Variants in SEMA3D observed in about 807,000 individuals in gnomAD.
SEMA3D encodes the protein semaphorin 3D.
SEMA3D carries 84 observed loss-of-function variants against 100.1 expected under a neutral mutation model. The observed-to-expected ratio is 0.84, with a 90% CI of 0.70 to 1.01. The LOEUF is 1.01. Among genes scored for constraint, SEMA3D ranks in the 50% least tolerant of loss-of-function variants. SEMA3D has a pLI of 0.00. For synonymous variants in SEMA3D, 312 were observed against 320.7 expected, an observed-to-expected ratio of 0.97 and a Z score of 0.29; for missense variants, 875 against 934.1, an observed-to-expected ratio of 0.94 and a Z score of 0.82.
At chr7:85,128,149 T>G (rs1017856313) in intron 2 of SEMA3D, among the ~76,000 whole-genome samples, 3 of 151,488 alleles carry the variant, frequency 2.0e-5, no homozygotes, top group African/African-American at 7.2e-5. Flanking sequence ...TTTTATTTAT[T>G]TTATTTTATT....
the SEMA3D span, among the ~76,000 whole-genome samples, chr7:85,236,481 T>C: frequency 6.6e-6 from 1 of 151,700 alleles, no homozygotes; most frequent in Non-Finnish European, 1.5e-5. Context: ...CTAATTTTTG[T>C]ATTTTTAGTA....
intron 1 of SEMA3D, among the ~76,000 whole-genome samples, chr7:85,157,088 C>T (rs1318678311): frequency 8.8e-6 from 1 of 113,736 alleles, no homozygotes. Context: ...TACAGAATGT[C>T]TCACTGTTTC....
intron 1 of SEMA3D, among the ~76,000 whole-genome samples, chr7:85,175,474 A>T (rs1791199559): frequency 6.6e-6 from 1 of 152,118 alleles, no homozygotes; most frequent in Non-Finnish European, 1.5e-5. Context: ...TCTCTGCCAA[A>T]CCTCATCATA....
rs3076567 is a variant in SEMA3D at position 85,181,319 on chromosome 7, AACAC to A, written c.-173+5355_-173+5358del. Among the ~76,000 whole-genome samples the A allele has an allele frequency of 9.3e-3, 875 of 93,620 alleles. 6 individuals are homozygous for A. Among genetic ancestry groups the A allele is most frequent in the African/African-American group, 0.03 (634 of 21,238 alleles). 61.4% of individuals were successfully genotyped at this position (93,620 alleles called of 152,430 possible). A position where few individuals can be genotyped will look rare whatever the true frequency, so the allele number is the denominator to read the frequency against. On this transcript the variant is annotated intron_variant, in intron 1 of 18. Transcript: ENST00000284136. Reference sequence around the variant, plus strand: ...TGACAAAGAATAAAGACATGCTCACAACACACACACACACACACACACACACACA... The same window carrying A: ...TGACAAAGAATAAAGACATGCTCACAACACACACACACACACACACACACA...
intron 4 of SEMA3D, among the ~76,000 whole-genome samples, chr7:85,086,764 G>C (rs919421077): frequency 2.0e-5 from 3 of 151,692 alleles, no homozygotes; most frequent in Non-Finnish European, 4.4e-5. Context: ...AGGGTCATTG[G>C]GTATAGAATA....
At chr7:85,046,222 T>C (rs1791005151) in intron 9 of SEMA3D, among the ~76,000 whole-genome samples, 1 of 151,992 alleles carries the variant, frequency 6.6e-6, no homozygotes, top group South Asian at 2.1e-4. Context: ...CTTTTAAACA[T>C]TTTACTATGT....
intron 9 of SEMA3D, among the ~76,000 whole-genome samples, chr7:85,046,626 G>A (rs957939078): frequency 1.3e-5 from 2 of 151,944 alleles, no homozygotes; most frequent in South Asian, 2.1e-4. Flanking sequence ...AACTCTTACA[G>A]ACATCCAGAA....
chr7:85,109,943 A>G (rs1789046389), intron 3 of SEMA3D, among the ~76,000 whole-genome samples: 1 of 151,970 alleles, frequency 6.6e-6, no homozygotes, highest in Non-Finnish European at 1.5e-5. Context: ...CCAAAACATA[A>G]TTGACTGGAT....
At chr7:85,174,626 G>T (rs1436019921) in intron 1 of SEMA3D, among the ~76,000 whole-genome samples, 4 of 152,110 alleles carry the variant, frequency 2.6e-5, no homozygotes, top group Non-Finnish European at 1.5e-5. Context: ...CAATCTTGTG[G>T]CACTAGAAGT....
chr7:85,021,326 C>A (rs1276646426), intron 13 of SEMA3D, among the ~76,000 whole-genome samples: 1 of 151,768 alleles, frequency 6.6e-6, no homozygotes, highest in Non-Finnish European at 1.5e-5. Flanking sequence ...AACTGTTGAA[C>A]ACCTAGTTTT....
At chr7:85,038,316 A>T (rs778665547) in intron 11 of SEMA3D, among the ~76,000 whole-genome samples, 2 of 152,220 alleles carry the variant, frequency 1.3e-5, no homozygotes, top group Non-Finnish European at 2.9e-5. Context: ...AGGTAATGGT[A>T]AATAGGTAGG....
the SEMA3D span, among the ~76,000 whole-genome samples, chr7:85,240,245 T>C: frequency 6.6e-6 from 1 of 152,168 alleles, no homozygotes; most frequent in Admixed American, 6.6e-5. Context: ...TCTGCATTGA[T>C]TGATATGATC....
In SEMA3D at chr7:85,144,640, C is replaced by T. The variant is rs1790149516; in HGVS notation, c.-41+8968G>A. 7.1e-6 allele frequency: 7 copies of T among 984,966 alleles called. No homozygotes were observed. The South Asian group carries it at 2.3e-4, about 33-fold the overall frequency. 61.0% of individuals were successfully genotyped at this position (984,966 alleles called of 1,614,324 possible). A position where few individuals can be genotyped will look rare whatever the true frequency, so the allele number is the denominator to read the frequency against. ...ATATATACATTTTTTCCTTTGGGAACTGGCCTGCAATATCCAACATTTAAG... is the reference window on the plus strand; with the variant it reads ...ATATATACATTTTTTCCTTTGGGAATTGGCCTGCAATATCCAACATTTAAG... On this transcript the variant is annotated intron_variant, in intron 2 of 18. Coordinates refer to ENST00000284136, the MANE Select transcript of SEMA3D (RefSeq NM_001384900.1).
intron 13 of SEMA3D, 43 bp downstream of exon 13, chr7:85,022,348 G>T (rs981158052): frequency 7.2e-7 from 1 of 1,381,358 alleles, no homozygotes; most frequent in Non-Finnish European, 1.0e-6. Context: ...GTCTAATAAT[G>T]AAAAATTCCT....
chr7:85,141,098 CAGAGATGTTT>C (rs1790037253), intron 2 of SEMA3D: 1 of 972,994 alleles, frequency 1.0e-6, no homozygotes. Context: ...TTAAAAATTT[CAGAGATGTTT>C]CAAAACTGTT....
intron 1 of SEMA3D, among the ~76,000 whole-genome samples, chr7:85,181,459 A>G (rs890699359): frequency 6.6e-6 from 1 of 152,180 alleles, no homozygotes; most frequent in Non-Finnish European, 1.5e-5. Context: ...TAAATAAATT[A>G]AATTAAGTAG....
At chr7:85,161,185 G>T (rs1049108499) in intron 1 of SEMA3D, among the ~76,000 whole-genome samples, 1 of 152,080 alleles carries the variant, frequency 6.6e-6, no homozygotes, top group Non-Finnish European at 1.5e-5. Flanking sequence ...TCCATGTTTT[G>T]TTGTTACACT....
At chr7:85,163,283 C>T (rs1029458883) in intron 1 of SEMA3D, among the ~76,000 whole-genome samples, 1 of 152,052 alleles carries the variant, frequency 6.6e-6, no homozygotes, top group Non-Finnish European at 1.5e-5. Context: ...AGTTTCTTCA[C>T]TTGAAAAAGG....
At chr7:85,066,911 C>CAGAGAGAGAGAG (rs759461188) in intron 7 of SEMA3D, among the ~76,000 whole-genome samples, 1 of 90,576 alleles carries the variant, frequency 1.1e-5, no homozygotes. Context: ...CACACACACA[C>CAGAGAGAGAGAG]ACAGAGAGAG....
Sources: allele counts gnomAD v4.1 joint callset (sites outside exome capture counted in the v4.1 genomes callset), GRCh38; gene constraint gnomAD v4.1.1; transcripts MANE v1.5; gene names NCBI Gene and HGNC (gene_info 2026-07-23, HGNC 2026-07-21).